Variants in SIPA1L3 observed in about 807,000 individuals in gnomAD.
SIPA1L3 encodes the protein signal-induced proliferation-associated 1-like protein 3.
In SIPA1L3, 59 loss-of-function variants were observed where a neutral mutation model predicts 150.1. The ratio of observed to expected loss-of-function variants is 0.39; its 90% CI spans 0.32 to 0.49. The LOEUF is 0.49. Among genes scored for constraint, SIPA1L3 ranks in the 20% least tolerant of loss-of-function variants. The probability of loss-of-function intolerance (pLI) is 0.86; values close to 1 mark genes in which losing one functional copy is unlikely to be tolerated. For synonymous variants in SIPA1L3, 1,070 were observed against 1,077.6 expected (o/e 0.99, Z 0.14); for missense variants, 2,211 against 2,489.5 (o/e 0.89, Z 2.38).
intron 12 of SIPA1L3, among the ~76,000 whole-genome samples, chr19:38,147,944 G>A (rs1288308451): frequency 6.6e-6 from 1 of 152,140 alleles, no homozygotes; most frequent in Non-Finnish European, 1.5e-5. Context: ...TTGGGAGGCT[G>A]AGGTGGGAGG....
chr19:38,057,627 C>T (rs1052411301), intron 2 of SIPA1L3, among the ~76,000 whole-genome samples: 1 of 151,052 alleles, frequency 6.6e-6, no homozygotes, highest in East Asian at 1.9e-4. Flanking sequence ...AAGTAGCATT[C>T]CTGGTTCAGA....
intron 1 of SIPA1L3, among the ~76,000 whole-genome samples, chr19:37,941,923 G>A (rs992443685): frequency 6.6e-6 from 1 of 152,186 alleles, no homozygotes; most frequent in Admixed American, 6.5e-5. Context: ...ACTGTTGTCT[G>A]GGTCATAAAT....
chr19:38,094,974 C>T (rs1457046557), intron 4 of SIPA1L3, among the ~76,000 whole-genome samples: 7 of 152,118 alleles, frequency 4.6e-5, no homozygotes, highest in Admixed American at 4.6e-4. Context: ...TCCCAGGAGG[C>T]TGAGGCAGGA....
intron 1 of SIPA1L3, among the ~76,000 whole-genome samples, chr19:37,956,274 A>T (rs967105327): frequency 5.3e-5 from 8 of 152,138 alleles, no homozygotes; most frequent in Non-Finnish European, 1.5e-5. Context: ...GCTGTTGATC[A>T]TCTTTTTATG....
At chr19:38,111,137 G>A (rs1190863491) in intron 8 of SIPA1L3, among the ~76,000 whole-genome samples, 2 of 151,416 alleles carry the variant, frequency 1.3e-5, no homozygotes, top group African/African-American at 2.4e-5. Context: ...CGATCCTCCT[G>A]CCTCAGCCTC....
In SIPA1L3 at chr19:38,081,897, C is replaced by T. The variant is rs1324146001; in HGVS notation, c.332C>T (p.Thr111Ile). ...PSQDTDGTKA[T>I]KMAHSMRSIQ... The stretch of plus-strand genomic sequence containing the variant: ...CAGGACACAGATGGCACAAAGGCCA[C>T]CAAGATGGCCCATTCCATGAGGAGC... Residue 111 changes from threonine to isoleucine, a missense_variant, in exon 3 of 22, where the codon ACC becomes ATC. Transcript: ENST00000222345. 6.2e-7 allele frequency: 1 copy of T among 1,614,180 alleles called. No homozygotes were observed. Among genetic ancestry groups the T allele is most frequent in the Admixed American group, 1.7e-5 (1 of 60,038 alleles).
At chr19:38,204,235 A>T in intron 21 of SIPA1L3, 27 bp downstream of exon 21, 1 of 1,543,292 alleles carries the variant, frequency 6.5e-7, no homozygotes, top group Non-Finnish European at 8.8e-7. Context: ...CGCCCTCTCC[A>T]TCCCACTTCC....
At chr19:38,097,269 C>T (rs182574644) in intron 4 of SIPA1L3, among the ~76,000 whole-genome samples, 121 of 152,194 alleles carry the variant, frequency 8.0e-4, no homozygotes, top group South Asian at 6.2e-3. Context: ...GGATCTCTTG[C>T]GCCCAGGAGG....
rs777246588 is a variant in SIPA1L3, at chr19:38,082,187, A to G, written c.622A>G (p.Ile208Val). ...CCGCGAGTACGGGAGCACCTCGTCC[A>G]TCGACGTGCAGGGCATGCCCGAGCA... The part of the protein sequence containing the change: ...LFREYGSTSS[I>V]DVQGMPEQSF... The change falls in exon 3 of 22, where the codon ATC becomes GTC. Residue 208 changes from isoleucine (I) to valine (V), a missense_variant. Physicochemically the swap from Ile to Val is conservative, Grantham distance 29 (BLOSUM62 3). Around this residue, in one of 5 missense-constraint regions of SIPA1L3, gnomAD observed 587 missense variants for 534.5 expected, o/e 1.10. Transcript: ENST00000222345. 6.2e-7 allele frequency: 1 copy of G among 1,604,202 alleles called. No individual in the cohort carries two copies. Among genetic ancestry groups the G allele is most frequent in the Non-Finnish European group, 8.5e-7 (1 of 1,179,766 alleles).
At chr19:38,104,719 G>A (rs923057070) in intron 6 of SIPA1L3, among the ~76,000 whole-genome samples, 1 of 152,004 alleles carries the variant, frequency 6.6e-6, no homozygotes, top group Non-Finnish European at 1.5e-5. Context: ...TTACAAGCAC[G>A]TGCCACCAGA....
At chr19:38,116,693 A>G (rs1327455301) in intron 8 of SIPA1L3, among the ~76,000 whole-genome samples, 1 of 151,536 alleles carries the variant, frequency 6.6e-6, no homozygotes, top group Non-Finnish European at 1.5e-5. Flanking sequence ...ATCTCTACCA[A>G]AAATACAAAA....
rs1190439641 is a variant in SIPA1L3, at chr19:38,141,381, T to G, written c.3341T>G (p.Leu1114Arg). ...CATGCCCAGTCCCTGAGCCGGCCCC[T>G]GAAGCAGACCCCCATAGTCCCCTTC... ...PGHAQSLSRP[L>R]KQTPIVPFRE... is the part of the protein sequence containing the mutation. The change falls in exon 11 of 22, where the codon CTG becomes CGG. Residue 1114 changes from leucine to arginine, a missense_variant. This residue lies in a region of SIPA1L3 where 806 missense variants were observed against 870.1 expected (regional missense o/e 0.93). Coordinates refer to ENST00000222345, the MANE Select transcript of SIPA1L3 (RefSeq NM_015073.3). 10 of 1,613,588 alleles carry G rather than the reference T, an allele frequency of 6.2e-6. No homozygotes were observed. Among genetic ancestry groups the G allele is most frequent in the Non-Finnish European group, 8.5e-6 (10 of 1,179,988 alleles).
intron 18 of SIPA1L3, 28 bp downstream of exon 18, chr19:38,193,808 C>T (rs781583605): frequency 3.7e-5 from 57 of 1,525,472 alleles, no homozygotes; most frequent in Admixed American, 1.2e-4. Context: ...GGGACTGGCG[C>T]GGTAGTTACC....
intron 1 of SIPA1L3, among the ~76,000 whole-genome samples, chr19:38,007,127 G>A (rs1026924562): frequency 1.3e-5 from 2 of 152,270 alleles, no homozygotes; most frequent in East Asian, 3.9e-4. Context: ...AGACCAGCCC[G>A]GCCAATGTGG....
intron 2 of SIPA1L3, among the ~76,000 whole-genome samples, chr19:38,062,654 G>A (rs897946847): frequency 1.3e-5 from 2 of 151,308 alleles, no homozygotes; most frequent in African/African-American, 4.9e-5. Context: ...TCACTCTGTT[G>A]CCCAGGCTGT....
At chr19:38,157,999 C>T (rs868470885) in intron 13 of SIPA1L3, among the ~76,000 whole-genome samples, 7 of 152,088 alleles carry the variant, frequency 4.6e-5, no homozygotes, top group Admixed American at 1.3e-4. Context: ...CCAGCACTTT[C>T]GGAGGCCAAG....
intron 4 of SIPA1L3, among the ~76,000 whole-genome samples, chr19:38,090,859 G>A (rs1353146433): frequency 3.3e-5 from 5 of 152,212 alleles, no homozygotes; most frequent in African/African-American, 1.2e-4. Context: ...TGAGTTGGGG[G>A]AATGGGATGG....
intron 4 of SIPA1L3, among the ~76,000 whole-genome samples, chr19:38,093,300 A>G (rs1250578669): frequency 1.3e-5 from 2 of 152,184 alleles, no homozygotes; most frequent in Admixed American, 6.5e-5. Flanking sequence ...GCCAGTGCAG[A>G]GGTCCTGAGG....
At position 37,970,532 on chromosome 19, in the gene SIPA1L3, C is replaced by T. The variant is rs955348886; in HGVS notation, c.-378-58557C>T. Among the ~76,000 whole-genome samples the T allele has an allele frequency of 3.9e-5, 6 of 152,188 alleles. 1 individual carries two copies. The highest frequency in any genetic ancestry group is 9.7e-5 in the African/African-American group (4 of 41,438). On this transcript the variant is annotated intron_variant, in intron 1 of 21. Coordinates refer to ENST00000222345, the MANE Select transcript of SIPA1L3 (RefSeq NM_015073.3). ...TGCAGCCGGAAGCTGTTTTCCAGGC[C>T]GCTCTCTTCTCACTAAAGCCACAGT...
Sources: gnomAD v4.1 joint callset for allele counts (sites outside exome capture counted in the v4.1 genomes callset) on GRCh38, gnomAD v4.1.1 for gene constraint, gnomAD v4.1.1 regional missense constraint, MANE v1.5 for transcripts, NCBI Gene and HGNC (gene_info 2026-07-23, HGNC 2026-07-21) for gene names.